SPAG16: variants seen among roughly 807,000 people sequenced by gnomAD.
SPAG16 encodes the protein sperm associated antigen 16, also known as sperm-associated antigen 16 protein.
SPAG16 carries 86 observed loss-of-function variants against 80.4 expected under a neutral mutation model. The ratio of observed to expected loss-of-function variants is 1.07; its 90% confidence interval spans 0.90 to 1.28. The LOEUF (loss-of-function observed/expected upper bound fraction) is 1.28, where lower values mean the gene tolerates loss of function less well. Among genes scored for constraint, SPAG16 ranks in the 50% most tolerant of loss-of-function variants. SPAG16 has a pLI of 0.00. For synonymous variants in SPAG16, 294 were observed against 265.9 expected (o/e 1.11, Z -1.03); for missense variants, 870 against 765.3 (o/e 1.14, Z -1.61).
chr2:213,410,124 C>T (rs2068877455), intron 9 of SPAG16, among the ~76,000 whole-genome samples: 1 of 152,038 alleles, frequency 6.6e-6, no homozygotes, highest in Admixed American at 6.6e-5. Flanking sequence ...AAGAATGTGC[C>T]ACCCCCTCCA....
chr2:214,075,514 T>G (rs2051031079), intron 13 of SPAG16, among the ~76,000 whole-genome samples: 1 of 152,192 alleles, frequency 6.6e-6, no homozygotes, highest in Admixed American at 6.5e-5. Flanking sequence ...TCACTTGACA[T>G]AAACTCACCA....
At chr2:213,322,355 AAC>A (rs144332374) in intron 5 of SPAG16, among the ~76,000 whole-genome samples, 24,139 of 63,024 alleles carry the variant, frequency 0.38, 4,366 homozygotes, top group Non-Finnish European at 0.46. Flanking sequence ...AAAAAAAAAA[AAC>A]AAAAAACTCG....
At chr2:213,297,804 G>A (rs180681875) in intron 3 of SPAG16, among the ~76,000 whole-genome samples, 2 of 152,198 alleles carry the variant, frequency 1.3e-5, no homozygotes, top group East Asian at 3.9e-4. Context: ...TGTGGTGGGG[G>A]ATGTTTTTTG....
Position 213,670,001 on chromosome 2 carries a change from CT to C in SPAG16, c.1070+179924del, listed in dbSNP as rs796432477. Among the ~76,000 whole-genome samples, 1,064 of 143,158 alleles carry C rather than the reference CT, an allele frequency of 7.4e-3. 4 individuals carry two copies. Among genetic ancestry groups the C allele is most frequent in the African/African-American group, 0.016 (634 of 39,414 alleles). 93.9% of individuals were successfully genotyped at this position (143,158 alleles called of 152,430 possible). A position where few individuals can be genotyped will look rare whatever the true frequency, so the allele number is the denominator to read the frequency against. The stretch of plus-strand genomic sequence containing the variant: ...TTTGTTTGGCAAGCATGTTCTAATT[CT>C]TTTTTTTTTTTTGAGACAAGAGTTT... On this transcript the variant is annotated intron_variant, in intron 10 of 15. Transcript: ENST00000331683.
intron 9 of SPAG16, among the ~76,000 whole-genome samples, chr2:213,395,391 G>T (rs948488494): frequency 3.9e-5 from 6 of 152,094 alleles, no homozygotes; most frequent in African/African-American, 1.4e-4. Context: ...TGTTTTTGCT[G>T]AATCCCACAT....
chr2:213,287,393 A>G lies in SPAG16; in HGVS notation c.136+2774A>G, dbSNP rs141334350. On this transcript the variant is annotated intron_variant, in intron 1 of 15. Coordinates refer to ENST00000331683, the MANE Select transcript of SPAG16 (RefSeq NM_024532.5). ...AGACATTTGGGACTGCCTAGTTCCAATTGGAAGGCCAGCATGAATTTGTAC... is the reference window on the plus strand; with the variant it reads ...AGACATTTGGGACTGCCTAGTTCCAGTTGGAAGGCCAGCATGAATTTGTAC... Among the ~76,000 whole-genome samples, 11 of 152,334 alleles carry G rather than the reference A, an allele frequency of 7.2e-5. No individual in the cohort carries two copies. The East Asian group carries it at 2.1e-3, about 29-fold the overall frequency.
At chr2:213,645,613 G>C (rs927081190) in intron 10 of SPAG16, among the ~76,000 whole-genome samples, 6 of 152,024 alleles carry the variant, frequency 3.9e-5, no homozygotes, top group African/African-American at 1.5e-4. Flanking sequence ...TGTCTGACCT[G>C]GTATCCAAGA....
chr2:214,135,011 T>C (rs1006936308), intron 14 of SPAG16, among the ~76,000 whole-genome samples: 10 of 152,232 alleles, frequency 6.6e-5, no homozygotes, highest in African/African-American at 2.4e-4. Flanking sequence ...AATCTTCATC[T>C]ATCTAAAACA....
At chr2:213,931,094 T>TTC (rs142685032) in intron 12 of SPAG16, among the ~76,000 whole-genome samples, 87,826 of 151,916 alleles carry the variant, frequency 0.58, 27,658 homozygotes, top group South Asian at 0.83. Flanking sequence ...TATTTTAATG[T>TTC]TCTTTTCCCT....
intron 13 of SPAG16, among the ~76,000 whole-genome samples, chr2:214,077,359 C>G (rs2051131464): frequency 6.6e-6 from 1 of 152,184 alleles, no homozygotes; most frequent in African/African-American, 2.4e-5. Context: ...TTCTTCTAAA[C>G]ACATGTTTAA....
chr2:214,024,292 G>C lies in SPAG16; in HGVS notation c.1527+10215G>C, dbSNP rs543172104. Among the ~76,000 whole-genome samples the C allele has an allele frequency of 8.6e-5, 13 of 151,590 alleles. No individual in the cohort carries two copies. The South Asian group carries it at 2.7e-3, about 31-fold the overall frequency. ...TCATCTCAAAAACTTTTCTCCACGT[G>C]CTTACCCAACTGATTTTTATTCATT... On this transcript the variant is annotated intron_variant, in intron 13 of 15. Transcript: ENST00000331683.
chr2:214,397,358 C>G (rs184270776), intron 15 of SPAG16, among the ~76,000 whole-genome samples: 246 of 152,090 alleles, frequency 1.6e-3, no homozygotes, highest in African/African-American at 5.8e-3. Context: ...CGGGGTTTTG[C>G]CACGTTGGCC....
intron 15 of SPAG16, among the ~76,000 whole-genome samples, chr2:214,345,171 A>G (rs532267475): frequency 3.3e-5 from 5 of 152,260 alleles, no homozygotes; most frequent in Admixed American, 6.5e-5. Context: ...AAATGCTTCT[A>G]GGGCTGGAGT....
chr2:213,859,371 G>T (rs1043580056), intron 10 of SPAG16, among the ~76,000 whole-genome samples: 1 of 151,844 alleles, frequency 6.6e-6, no homozygotes, highest in South Asian at 2.1e-4. Context: ...TCCTCCCTTG[G>T]TTTCTCTGGC....
In SPAG16 at chr2:213,847,614, C is replaced by T. The variant is rs117487444; in HGVS notation, c.1071-14871C>T. The stretch of plus-strand genomic sequence containing the variant: ...CCAAACACCCTACACCAGGCCCCAC[C>T]TTCAGTATTGGGATTACATTTCAAC... On this transcript the variant is annotated intron_variant, in intron 10 of 15. Coordinates refer to ENST00000331683, the MANE Select transcript of SPAG16 (RefSeq NM_024532.5). Among the ~76,000 whole-genome samples the T allele has an allele frequency of 5.3e-3, 807 of 152,290 alleles. 12 individuals carry two copies. Among genetic ancestry groups the T allele is most frequent in the East Asian group, 0.041 (210 of 5,178 alleles).
chr2:213,547,725 C>T (rs1481902208), intron 10 of SPAG16, among the ~76,000 whole-genome samples: 1 of 152,156 alleles, frequency 6.6e-6, no homozygotes, highest in Non-Finnish European at 1.5e-5. Flanking sequence ...GTACCATACT[C>T]CACCTGCAAG....
chr2:213,498,848 T>A (rs1429218573), intron 10 of SPAG16, among the ~76,000 whole-genome samples: 5 of 152,116 alleles, frequency 3.3e-5, no homozygotes, highest in Non-Finnish European at 7.4e-5. Flanking sequence ...GTGTATTTTA[T>A]GTCCAAAATG....
intron 13 of SPAG16, among the ~76,000 whole-genome samples, chr2:214,049,854 TA>T (rs1553704012): frequency 4.6e-5 from 7 of 152,166 alleles, no homozygotes; most frequent in Non-Finnish European, 7.4e-5. Flanking sequence ...TAAACTTTTT[TA>T]AAAAAATACC....
intron 10 of SPAG16, among the ~76,000 whole-genome samples, chr2:213,555,174 G>A (rs920912636): frequency 6.6e-6 from 1 of 152,172 alleles, no homozygotes; most frequent in African/African-American, 2.4e-5. Context: ...TGACTAAATG[G>A]TATGATATAT....
Sources: gnomAD v4.1 joint callset for allele counts (sites outside exome capture counted in the v4.1 genomes callset) on GRCh38, gnomAD v4.1.1 for gene constraint, MANE v1.5 for transcripts, NCBI Gene and HGNC (gene_info 2026-07-23, HGNC 2026-07-21) for gene names.